The following AGMO variants were observed in gnomAD, a reference collection of about 807,000 sequenced individuals.
AGMO encodes alkylglycerol monooxygenase.
In AGMO, 75 loss-of-function variants were observed where a neutral mutation model predicts 60.2. The ratio of observed to expected loss-of-function variants is 1.25; its 90% confidence interval spans 1.03 to 1.51. AGMO has a LOEUF of 1.51. Ranked by LOEUF, AGMO falls within the 40% of genes most tolerant of loss-of-function variation. The pLI, the probability that AGMO is intolerant of heterozygous loss-of-function variation, is 0.00. For synonymous variants in AGMO, 261 were observed against 177.1 expected (o/e 1.47, Z -3.76); for missense variants, 763 against 525.5 (o/e 1.45, Z -4.42).
intron 8 of AGMO, among the ~76,000 whole-genome samples, chr7:15,390,205 G>A (rs1012524809): frequency 1.9e-4 from 29 of 151,958 alleles, no homozygotes; most frequent in African/African-American, 5.8e-4. Context: ...CTTAGCAAGC[G>A]AGGTAATGCA....
At chr7:15,356,862 C>T (rs955448945) in intron 12 of AGMO, among the ~76,000 whole-genome samples, 1 of 150,126 alleles carries the variant, frequency 6.7e-6, no homozygotes, top group East Asian at 2.0e-4. Flanking sequence ...AATCCCAGCA[C>T]TTTGGGAGGC....
At chr7:15,280,683 C>T (rs1366281724) in intron 12 of AGMO, among the ~76,000 whole-genome samples, 2 of 152,320 alleles carry the variant, frequency 1.3e-5, no homozygotes, top group East Asian at 1.9e-4. Flanking sequence ...CCAACCAACA[C>T]GGTCCATCAC....
At chr7:15,354,093 G>C (rs926614628) in intron 12 of AGMO, among the ~76,000 whole-genome samples, 1 of 151,632 alleles carries the variant, frequency 6.6e-6, no homozygotes, top group Non-Finnish European at 1.5e-5. Flanking sequence ...GTTGTTCATG[G>C]AAAGAAAAAG....
At chr7:15,555,287 A>ATG (rs1785099920) in intron 2 of AGMO, among the ~76,000 whole-genome samples, 1 of 100,096 alleles carries the variant, frequency 1.0e-5, no homozygotes, top group African/African-American at 6.9e-5. Context: ...ATATATATAT[A>ATG]TATATACACA....
At chr7:15,173,055 A>G in the AGMO span, among the ~76,000 whole-genome samples, 15 of 152,316 alleles carry the variant, frequency 9.8e-5, 1 homozygote, top group South Asian at 3.1e-3. Context: ...ACTTTTTACT[A>G]AATCTGTTTT....
chr7:15,385,320 C>T (rs1196221365), intron 10 of AGMO, 126 bp downstream of exon 10: 24 of 608,582 alleles, frequency 3.9e-5, no homozygotes, highest in Non-Finnish European at 5.7e-5. Flanking sequence ...AAATGTGAGA[C>T]GTTGCCAAAA....
intron 12 of AGMO, among the ~76,000 whole-genome samples, chr7:15,246,406 A>G (rs1392094094): frequency 6.6e-6 from 1 of 152,170 alleles, no homozygotes; most frequent in Non-Finnish European, 1.5e-5. Context: ...CCTGTTTTTT[A>G]TATTCTCTGA....
intron 12 of AGMO, among the ~76,000 whole-genome samples, chr7:15,319,903 G>A (rs1238898763): frequency 6.6e-6 from 1 of 152,058 alleles, no homozygotes; most frequent in Admixed American, 6.6e-5. Context: ...TATCTAGATA[G>A]TATAAAACTA....
the AGMO span, among the ~76,000 whole-genome samples, chr7:15,192,577 A>T: frequency 6.6e-6 from 1 of 152,116 alleles, no homozygotes; most frequent in African/African-American, 2.4e-5. Context: ...TTCTTCCCGG[A>T]CACTGGACAA....
At chr7:15,508,912 ATTTAGT>A (rs1783600179) in intron 3 of AGMO, among the ~76,000 whole-genome samples, 1 of 152,180 alleles carries the variant, frequency 6.6e-6, no homozygotes, top group Non-Finnish European at 1.5e-5. Context: ...TTTCTACATA[ATTTAGT>A]TTATTTTAAG....
the AGMO span, among the ~76,000 whole-genome samples, chr7:15,155,724 C>A: frequency 0.033 from 4,989 of 152,030 alleles, 107 homozygotes; most frequent in Non-Finnish European, 0.044. Flanking sequence ...TCAGAGTTGC[C>A]AGAGTTCTTG....
intron 12 of AGMO, among the ~76,000 whole-genome samples, chr7:15,248,696 C>CT (rs1476050243): frequency 6.6e-6 from 1 of 152,092 alleles, no homozygotes; most frequent in Non-Finnish European, 1.5e-5. Context: ...TATTTTTGGG[C>CT]TAGAACATAG....
At chr7:15,149,751 C>T in the AGMO span, among the ~76,000 whole-genome samples, 20 of 152,168 alleles carry the variant, frequency 1.3e-4, no homozygotes, top group Admixed American at 1.2e-3. Flanking sequence ...TAGTGTCATG[C>T]CTCCAGCTTT....
Position 15,491,042 on chromosome 7 carries a change from T to C in AGMO, c.409+53730A>G, listed in dbSNP as rs116063752. The stretch of plus-strand genomic sequence containing the variant: ...GAAAATCCTGGTGGTTTAGCATCTG[T>C]AAATCTGAGAACTCTAATCTGCCCA... On this transcript the variant is annotated intron_variant, in intron 3 of 12. Transcript: ENST00000342526. Among the ~76,000 whole-genome samples the C allele has an allele frequency of 7.8e-3, 1,182 of 152,290 alleles. 18 individuals carry two copies. Among genetic ancestry groups the C allele is most frequent in the African/African-American group, 0.028 (1,148 of 41,544 alleles).
At chr7:15,156,211 A>T in the AGMO span, among the ~76,000 whole-genome samples, 1 of 152,272 alleles carries the variant, frequency 6.6e-6, no homozygotes, top group African/African-American at 2.4e-5. Context: ...GCTGTTGGTG[A>T]GTATGCACTG....
At chr7:15,193,413 C>T in the AGMO span, among the ~76,000 whole-genome samples, 2 of 152,132 alleles carry the variant, frequency 1.3e-5, no homozygotes, top group East Asian at 1.9e-4. Flanking sequence ...AATTTACAAG[C>T]TGTGAAATTA....
At chr7:15,203,256 TA>T (rs1024472784) in intron 12 of AGMO, among the ~76,000 whole-genome samples, 4 of 152,136 alleles carry the variant, frequency 2.6e-5, no homozygotes, top group Non-Finnish European at 4.4e-5. Flanking sequence ...CCAGTACTAT[TA>T]AAAATTTTTA....
intron 10 of AGMO, among the ~76,000 whole-genome samples, chr7:15,372,433 G>A (rs1188205774): frequency 6.6e-6 from 1 of 152,092 alleles, no homozygotes; most frequent in Non-Finnish European, 1.5e-5. Flanking sequence ...TCCAGCCTGT[G>A]CGTCACAGCG....
intron 12 of AGMO, among the ~76,000 whole-genome samples, chr7:15,254,562 TA>T (rs1783042658): frequency 6.6e-6 from 1 of 152,194 alleles, no homozygotes; most frequent in African/African-American, 2.4e-5. Context: ...TTTGACCATT[TA>T]AAATCAGATT....
Sources: allele counts gnomAD v4.1 joint callset (sites outside exome capture counted in the v4.1 genomes callset), GRCh38; gene constraint gnomAD v4.1.1; transcripts MANE v1.5; gene names NCBI Gene and HGNC (gene_info 2026-07-23, HGNC 2026-07-21).